The following TENM1 variants were observed in gnomAD, a reference collection of about 807,000 sequenced individuals.
TENM1 encodes the protein teneurin-1.
A neutral mutation model predicts 174.8 loss-of-function variants in TENM1; 35 were observed. The observed-to-expected ratio is 0.20, with a 90% CI of 0.15 to 0.27. The LOEUF (loss-of-function observed/expected upper bound fraction) is 0.27, where lower values mean the gene tolerates loss of function less well. TENM1 is among the 10% of genes least tolerant of loss of function. TENM1 has a pLI of 1.00. For missense variants in TENM1, 1,633 were observed against 2,130.1 expected (o/e 0.77, Z 4.59); for synonymous variants, 781 against 798.7 (o/e 0.98, Z 0.37).
intron 25 of TENM1, among the ~76,000 whole-genome samples, chrX:124,419,098 C>G (rs1259994194): frequency 8.9e-6 from 1 of 112,028 alleles, no homozygotes; most frequent in South Asian, 3.7e-4. Flanking sequence ...GCTTTTATTA[C>G]TCTTATTAAG....
At chrX:124,604,947 T>TCC (rs1569338520) in intron 11 of TENM1, among the ~76,000 whole-genome samples, 1 of 106,649 alleles carries the variant, frequency 9.4e-6, no homozygotes, top group Non-Finnish European at 1.9e-5. Context: ...TTTTTTTCTC[T>TCC]CTCCTCTCCC....
At chrX:124,706,754 A>T (rs1273183850) in intron 4 of TENM1, among the ~76,000 whole-genome samples, 1 of 111,679 alleles carries the variant, frequency 9.0e-6, no homozygotes, top group Non-Finnish European at 1.9e-5. Flanking sequence ...GCTAAGTGCC[A>T]AGTGTTGTGC....
chrX:125,142,757 C>T, the TENM1 span, among the ~76,000 whole-genome samples: 2 of 110,877 alleles, frequency 1.8e-5, no homozygotes, highest in East Asian at 5.7e-4. Flanking sequence ...ATAAGATGGG[C>T]CATCTGAAAA....
intron 3 of TENM1, among the ~76,000 whole-genome samples, chrX:124,799,322 T>G (rs774686471): frequency 1.8e-5 from 2 of 111,809 alleles, no homozygotes; most frequent in Admixed American, 1.9e-4. Context: ...TTTCTATCCA[T>G]GAGCATGGAA....
At chrX:124,711,701 T>G (rs1282300781) in intron 4 of TENM1, among the ~76,000 whole-genome samples, 2 of 112,074 alleles carry the variant, frequency 1.8e-5, no homozygotes, top group Non-Finnish European at 3.8e-5. Context: ...GAATTTTTAT[T>G]GTGATAAAAA....
chrX:124,632,403 G>A (rs1423403102), intron 11 of TENM1, among the ~76,000 whole-genome samples: 1 of 111,179 alleles, frequency 9.0e-6, no homozygotes, highest in Non-Finnish European at 1.9e-5. Context: ...ATTTTTGCTA[G>A]GATACTGGAA....
Position 124,950,183 on chromosome X carries a change from G to A in TENM1, c.217+13354C>T, listed in dbSNP as rs1487954308. Among the ~76,000 whole-genome samples, 21 of 111,530 alleles carry A rather than the reference G, an allele frequency of 1.9e-4. No homozygotes were observed. The Admixed American group carries it at 2.0e-3, about 11-fold the overall frequency. The stretch of plus-strand genomic sequence containing the variant: ...TTATTCTGTGATGATACTGTGCTAG[G>A]CTATTAAGTAAAAGAGCAATTTGAA... On this transcript the variant is annotated intron_variant, in intron 1 of 31. Transcript: ENST00000422452.
chrX:124,473,705 C>A (rs1356444534), intron 22 of TENM1, among the ~76,000 whole-genome samples: 3 of 111,116 alleles, frequency 2.7e-5, no homozygotes, highest in Non-Finnish European at 3.8e-5. Context: ...CCAAACATAT[C>A]CATCTTCTGC....
At chrX:124,635,618 A>G (rs2064019008) in intron 11 of TENM1, among the ~76,000 whole-genome samples, 1 of 112,113 alleles carries the variant, frequency 8.9e-6, no homozygotes, top group Non-Finnish European at 1.9e-5. Flanking sequence ...GCAAGTAATG[A>G]TAGAGGGAGT....
the TENM1 span, among the ~76,000 whole-genome samples, chrX:125,014,179 C>T: frequency 0.037 from 4,140 of 112,139 alleles, 172 homozygotes; most frequent in African/African-American, 0.13. Flanking sequence ...AATAGTGTAA[C>T]GAGGCATCTC....
chrX:124,737,019 C>T (rs201701923), exon 4 of TENM1: 35 of 1,209,584 alleles, frequency 2.9e-5, no homozygotes, highest in Non-Finnish European at 3.5e-5. Flanking sequence ...CTGAATCCTG[C>T]GTGCTGGTTG....
intron 4 of TENM1, among the ~76,000 whole-genome samples, chrX:124,732,527 C>G (rs984975276): frequency 1.8e-5 from 2 of 111,684 alleles, no homozygotes; most frequent in African/African-American, 6.5e-5. Flanking sequence ...CCTCAGTTGA[C>G]TATGAGAATA....
chrX:124,692,506 A>G (rs561675967), intron 5 of TENM1, among the ~76,000 whole-genome samples: 2 of 109,997 alleles, frequency 1.8e-5, no homozygotes, highest in South Asian at 7.8e-4. Flanking sequence ...TTGCTTTCTT[A>G]GGTCTTCTTC....
intron 23 of TENM1, among the ~76,000 whole-genome samples, chrX:124,428,232 A>G (rs1216031620): frequency 2.7e-5 from 3 of 112,129 alleles, no homozygotes; most frequent in African/African-American, 9.7e-5. Flanking sequence ...AACCTTTGAC[A>G]GCATTACGTC....
chrX:124,715,716 G>A (rs755591354), intron 4 of TENM1, among the ~76,000 whole-genome samples: 3 of 107,430 alleles, frequency 2.8e-5, no homozygotes, highest in Non-Finnish European at 5.8e-5. Context: ...GTGCAAAGGC[G>A]TGATCTCGGC....
At chrX:125,183,368 G>A in the TENM1 span, among the ~76,000 whole-genome samples, 1 of 111,646 alleles carries the variant, frequency 9.0e-6, no homozygotes, top group Non-Finnish European at 1.9e-5. Context: ...GTGGTTATTT[G>A]TTCTCAGGCA....
chrX:124,965,215 C>T (rs1304087392), upstream of TENM1, among the ~76,000 whole-genome samples: 1 of 110,922 alleles, frequency 9.0e-6, no homozygotes, highest in Admixed American at 9.6e-5. Context: ...GTAGCTAGGA[C>T]TACAGGCACC....
intron 16 of TENM1, 22 bp downstream of exon 19, chrX:124,529,842 A>G (rs754913489): frequency 8.3e-7 from 1 of 1,211,160 alleles, no homozygotes; most frequent in Non-Finnish European, 1.1e-6. Flanking sequence ...CCCCACAATG[A>G]TCAGAAACAA....
chrX:124,703,921 G>A (rs111490029), intron 5 of TENM1, among the ~76,000 whole-genome samples: 17 of 112,164 alleles, frequency 1.5e-4, no homozygotes, highest in African/African-American at 5.2e-4. Flanking sequence ...GAACATCAGC[G>A]CAGGCTATGA....
Sources: gnomAD v4.1 joint callset for allele counts (sites outside exome capture counted in the v4.1 genomes callset) on GRCh38, gnomAD v4.1.1 for gene constraint, MANE v1.5 for transcripts, NCBI Gene and HGNC (gene_info 2026-07-23, HGNC 2026-07-21) for gene names.